Variants in EFCAB7 observed in about 807,000 individuals in gnomAD.
EFCAB7 encodes EF-hand calcium binding domain 7.
EFCAB7 carries 66 observed loss-of-function variants against 77.1 expected under a neutral mutation model. The observed-to-expected ratio is 0.86, with a 90% CI of 0.70 to 1.05. The LOEUF (loss-of-function observed/expected upper bound fraction) is 1.05, where lower values mean the gene tolerates loss of function less well. EFCAB7 is among the 50% of genes least tolerant of loss of function. EFCAB7 has a pLI of 0.00. For missense variants in EFCAB7, 638 were observed against 730.5 expected (o/e 0.87, Z 1.46); for synonymous variants, 225 against 243.3 (o/e 0.92, Z 0.70).
chr1:63,571,626 C>T (rs569268397), intron 13 of EFCAB7, among the ~76,000 whole-genome samples: 5 of 140,360 alleles, frequency 3.6e-5, no homozygotes, highest in South Asian at 2.2e-4. Flanking sequence ...GCTGAGATCA[C>T]GCCATTGCAC....
At position 63,557,118 on chromosome 1, in the gene EFCAB7, A is replaced by G. The variant is rs1327777547; in HGVS notation, c.1219A>G (p.Thr407Ala). ...TAGCTATTTTTATAATTTTAGGTCT[A>G]CTTTATCAGATATATTTGAAGTAAT... ...ELFLTKEFKS[T>A]LSDIFEVIDL... The change falls in exon 10 of 14, where the codon ACT becomes GCT. Residue 407 changes from threonine to alanine, a missense_variant. Coordinates refer to ENST00000371088, the MANE Select transcript of EFCAB7 (RefSeq NM_032437.4). The G allele has an allele frequency of 1.9e-6, 3 of 1,580,044 alleles. No homozygotes were observed. The highest frequency in any genetic ancestry group is 2.3e-5 in the East Asian group (1 of 44,096).
At chr1:63,553,232 A>G (rs1410000445) in intron 8 of EFCAB7, among the ~76,000 whole-genome samples, 4 of 152,202 alleles carry the variant, frequency 2.6e-5, no homozygotes, top group African/African-American at 9.7e-5. Flanking sequence ...ATGGGATAAT[A>G]TATATTAGGA....
At chr1:63,577,972 T>A in the EFCAB7 span, among the ~76,000 whole-genome samples, 4 of 152,048 alleles carry the variant, frequency 2.6e-5, no homozygotes, top group African/African-American at 4.8e-5. Flanking sequence ...ATTTAAATAA[T>A]ATAAAAAGAG....
chr1:63,581,575 T>C, the EFCAB7 span, among the ~76,000 whole-genome samples: 1 of 152,150 alleles, frequency 6.6e-6, no homozygotes, highest in Non-Finnish European at 1.5e-5. Flanking sequence ...TTCCACTTAA[T>C]TGTGATATGT....
At chr1:63,554,626 C>T (rs1002593673) in intron 8 of EFCAB7, among the ~76,000 whole-genome samples, 1 of 152,226 alleles carries the variant, frequency 6.6e-6, no homozygotes, top group African/African-American at 2.4e-5. Context: ...AGGCGTGAAC[C>T]GCCATGCCCA....
chr1:63,540,709 A>T (rs1164444430), intron 6 of EFCAB7, among the ~76,000 whole-genome samples: 4 of 152,206 alleles, frequency 2.6e-5, no homozygotes, highest in Non-Finnish European at 5.9e-5. Flanking sequence ...AACAAGATAA[A>T]TTTCAGTAAG....
At position 63,560,588 on chromosome 1, in the gene EFCAB7, C is replaced by T. The variant is rs561004443; in HGVS notation, c.1349-1121C>T. ...CTGTAGTACAGTGGCACGATCTCAG[C>T]TCACTGCAACCTCCGCCTCCCAGGT... On this transcript the variant is annotated intron_variant, in intron 10 of 13. Transcript: ENST00000371088. Among the ~76,000 whole-genome samples the T allele has an allele frequency of 5.5e-5, 8 of 144,970 alleles. No individual in the cohort carries two copies. The East Asian group carries it at 1.7e-3, about 30-fold the overall frequency.
rs374400383 is a variant in EFCAB7 at position 63,571,724 on chromosome 1, CAAAGTT to C, written c.1815+602_1815+607del. Among the ~76,000 whole-genome samples, 561 of 135,354 alleles carry C rather than the reference CAAAGTT, an allele frequency of 4.1e-3. 3 individuals are homozygous for C. The highest frequency in any genetic ancestry group is 0.014 in the African/African-American group (500 of 36,652). The allele number at this position is 135,354 out of a possible 152,430, so 88.8% of individuals were successfully genotyped here. A position where few individuals can be genotyped will look rare whatever the true frequency, so the allele number is the denominator to read the frequency against. On this transcript the variant is annotated intron_variant, in intron 13 of 13. Coordinates refer to ENST00000371088, the MANE Select transcript of EFCAB7 (RefSeq NM_032437.4). ...AATATCACTAGTTTTATGTACTTCA[CAAAGTT>C]AAAGTAAGGATAAAAATAAAATGAT... is the stretch of plus-strand genomic sequence containing the variant.
At chr1:63,580,253 G>A in the EFCAB7 span, among the ~76,000 whole-genome samples, 2 of 152,054 alleles carry the variant, frequency 1.3e-5, no homozygotes, top group Non-Finnish European at 2.9e-5. Flanking sequence ...GAGTTCTGAG[G>A]TTTAGGTTGA....
chr1:63,537,583 C>A (rs1251476076), intron 6 of EFCAB7, among the ~76,000 whole-genome samples: 2 of 152,116 alleles, frequency 1.3e-5, no homozygotes, highest in African/African-American at 4.8e-5. Flanking sequence ...AAGTTTCTCA[C>A]ATTTTCAAAA....
Position 63,551,759 on chromosome 1 carries a change from C to A in EFCAB7, c.981C>A (p.Ala327=). Residue 327 remains alanine (A), a synonymous_variant, in exon 8 of 14, where the codon GCC becomes GCA. Coordinates refer to ENST00000371088, the MANE Select transcript of EFCAB7 (RefSeq NM_032437.4). ...KPSPWLSVDT[A]LYILKENESQ... ...CCCCTTGGTTATCCGTTGATACTGCCTTGTATATTCTCAAGGAAAATGAGA... is the reference window on the plus strand; with the variant it reads ...CCCCTTGGTTATCCGTTGATACTGCATTGTATATTCTCAAGGAAAATGAGA... 1 of 1,583,134 alleles carries A rather than the reference C, an allele frequency of 6.3e-7. No individual in the cohort carries two copies. The highest frequency in any genetic ancestry group is 8.6e-7 in the Non-Finnish European group (1 of 1,164,698).
At chr1:63,531,774 A>C in intron 2 of EFCAB7, 46 bp from the exon 3 acceptor site, 1 of 1,555,114 alleles carries the variant, frequency 6.4e-7, no homozygotes, top group Non-Finnish European at 8.8e-7. Flanking sequence ...CTTAAGTACA[A>C]ATTCCAGGTG....
intron 2 of EFCAB7, chr1:63,527,972 T>G (rs1413367640): frequency 6.6e-6 from 1 of 152,186 alleles, no homozygotes; most frequent in Non-Finnish European, 1.5e-5. Context: ...CCTCTTACAC[T>G]GTTGGTAGGA....
rs370728012 is a variant in EFCAB7 at position 63,531,862 on chromosome 1, A to G, written c.230A>G (p.Asn77Ser). ...AGAAATCCATCCCAAAAGACCATTAATAAGTATTGGACTCCTCAAACTGCC... is the reference window on the plus strand; with the variant it reads ...AGAAATCCATCCCAAAAGACCATTAGTAAGTATTGGACTCCTCAAACTGCC... ...AGRNPSQKTI[N>S]KYWTPQTAKL... The change falls in exon 3 of 14, where the codon AAT becomes AGT. Residue 77 changes from asparagine (N) to serine (S), a missense_variant. Transcript: ENST00000371088. 2 of 1,612,992 alleles carry G rather than the reference A, an allele frequency of 1.2e-6. No homozygotes were observed. Among genetic ancestry groups the G allele is most frequent in the Non-Finnish European group, 1.7e-6 (2 of 1,179,486 alleles).
intron 6 of EFCAB7, among the ~76,000 whole-genome samples, chr1:63,544,835 T>G (rs572747526): frequency 6.6e-6 from 1 of 152,226 alleles, no homozygotes; most frequent in East Asian, 1.9e-4. Context: ...TTCTTCCTTC[T>G]TACTGTGCTC....
chr1:63,528,428 A>G (rs1234769725), intron 2 of EFCAB7, among the ~76,000 whole-genome samples: 4 of 152,154 alleles, frequency 2.6e-5, no homozygotes, highest in African/African-American at 9.7e-5. Context: ...TGGTTACCAG[A>G]GGCTGAGAAA....
the EFCAB7 span, among the ~76,000 whole-genome samples, chr1:63,580,645 G>A: frequency 6.6e-6 from 1 of 152,082 alleles, no homozygotes; most frequent in Non-Finnish European, 1.5e-5. Context: ...CTGGTATTGT[G>A]TTAACTGTAT....
At chr1:63,565,545 TA>T (rs1647161040) in intron 11 of EFCAB7, among the ~76,000 whole-genome samples, 1 of 152,098 alleles carries the variant, frequency 6.6e-6, no homozygotes, top group Non-Finnish European at 1.5e-5. Flanking sequence ...GGGATCTAAT[TA>T]AAGAGCTTCT....
chr1:63,577,130 G>T (rs571256465), downstream of EFCAB7, among the ~76,000 whole-genome samples: 1 of 148,538 alleles, frequency 6.7e-6, no homozygotes, highest in African/African-American at 2.5e-5. Flanking sequence ...GGGTGACAGA[G>T]TAAGACTCAA....
Sources: gnomAD v4.1 joint callset for allele counts (sites outside exome capture counted in the v4.1 genomes callset) on GRCh38, gnomAD v4.1.1 for gene constraint, MANE v1.5 for transcripts, NCBI Gene and HGNC (gene_info 2026-07-23, HGNC 2026-07-21) for gene names.